CRIM1: variants seen among roughly 807,000 people sequenced by gnomAD.
The protein encoded by CRIM1 is cysteine-rich motor neuron 1 protein.
Under a neutral mutation model 116.4 loss-of-function variants are expected in CRIM1, and 32 were observed. That is an observed-to-expected ratio of 0.27 (90% CI 0.21 to 0.37). The LOEUF (loss-of-function observed/expected upper bound fraction) is 0.37, where lower values mean the gene tolerates loss of function less well. Ranked by LOEUF, CRIM1 falls within the 10% of genes least tolerant of loss-of-function variation. The probability of loss-of-function intolerance (pLI) is 1.00; values close to 1 mark genes in which losing one functional copy is unlikely to be tolerated. For synonymous variants in CRIM1, 590 were observed against 509.2 expected (o/e 1.16, Z -2.13); for missense variants, 1,331 against 1,354.8 (o/e 0.98, Z 0.28).
intron 4 of CRIM1, among the ~76,000 whole-genome samples, chr2:36,459,223 G>T (rs1029724018): frequency 6.6e-6 from 1 of 152,174 alleles, no homozygotes; most frequent in Non-Finnish European, 1.5e-5. Context: ...TATATGGGCA[G>T]ATTCTGGAGC....
chr2:36,393,833 T>C (rs1671811793), intron 1 of CRIM1, among the ~76,000 whole-genome samples: 1 of 152,160 alleles, frequency 6.6e-6, no homozygotes, highest in African/African-American at 2.4e-5. Context: ...AGCATTAGGA[T>C]GTGAGAGCGA....
Position 36,356,541 on chromosome 2 carries a change from C to T in CRIM1, c.249C>T (p.Thr83=). 1 of 1,612,930 alleles carries T rather than the reference C, an allele frequency of 6.2e-7. No individual in the cohort carries two copies. Among genetic ancestry groups the T allele is most frequent in the Non-Finnish European group, 8.5e-7 (1 of 1,179,872 alleles). The change falls in exon 1 of 17, where the codon ACC becomes ACT. Residue 83 remains threonine (T), a synonymous_variant. Transcript: ENST00000280527. This position sits in a 1 kb window ranked among gnomAD's most constrained non-coding sequence, Gnocchi z 4.3. The part of the protein sequence containing the change: ...SCGGTFGIYG[T]CDRGLRCVIR... ...GCGGCACCTTCGGGATTTACGGAACCTGCGACCGGGGGCTGCGTTGTGTCA... is the reference window on the plus strand; with the variant it reads ...GCGGCACCTTCGGGATTTACGGAACTTGCGACCGGGGGCTGCGTTGTGTCA...
chr2:36,455,786 A>C (rs1275993343), intron 4 of CRIM1, among the ~76,000 whole-genome samples: 2 of 152,188 alleles, frequency 1.3e-5, no homozygotes, highest in Admixed American at 1.3e-4. Context: ...CGAGTGGTGC[A>C]TTGTGTGATA....
At chr2:36,458,839 T>C (rs1030631392) in intron 4 of CRIM1, among the ~76,000 whole-genome samples, 1 of 152,206 alleles carries the variant, frequency 6.6e-6, no homozygotes, top group African/African-American at 2.4e-5. Context: ...TCCACCTGTC[T>C]CACTTTATGG....
At chr2:36,463,347 TAAATA>T (rs1023767470) in intron 4 of CRIM1, among the ~76,000 whole-genome samples, 4 of 152,172 alleles carry the variant, frequency 2.6e-5, no homozygotes, top group African/African-American at 9.7e-5. Flanking sequence ...ACCAATTACT[TAAATA>T]AGAAGGGGGG....
chr2:36,414,794 G>C lies in CRIM1; in HGVS notation c.505+18007G>C, dbSNP rs1673479723. ...GCTGTAGTGTATTGAGTGAGTGTTG[G>C]GGAGAGTGGCAGAAGAGGAAGCTGG... On this transcript the variant is annotated intron_variant, in intron 2 of 16. Coordinates refer to ENST00000280527, the MANE Select transcript of CRIM1 (RefSeq NM_016441.3). 2.0e-5 allele frequency among the ~76,000 whole-genome samples: 3 copies of C among 152,200 alleles called. 1 individual carries two copies. Among genetic ancestry groups the C allele is most frequent in the Admixed American group, 2.0e-4 (3 of 15,282 alleles).
At position 36,544,300 on chromosome 2, in the gene CRIM1, C is replaced by T. The variant is rs950371600; in HGVS notation, c.2624-76C>T. 4.0e-6 allele frequency: 5 copies of T among 1,249,096 alleles called. No homozygotes were observed. The African/African-American group carries it at 7.7e-5, about 19-fold the overall frequency. The allele number at this position is 1,249,096 out of a possible 1,614,324, so 77.4% of individuals were successfully genotyped here. A position where few individuals can be genotyped will look rare whatever the true frequency, so the allele number is the denominator to read the frequency against. On this transcript the variant is annotated intron_variant, in intron 14 of 16. Transcript: ENST00000280527. ...AAATGTGGTCTTGAATTGAGTGCAC[C>T]ATTTGGATTGAGAATACAAAAGCCA...
At chr2:36,444,415 A>C (rs1007406745) in intron 4 of CRIM1, among the ~76,000 whole-genome samples, 16 of 152,246 alleles carry the variant, frequency 1.1e-4, no homozygotes, top group Non-Finnish European at 2.2e-4. Context: ...CTGGATGGCC[A>C]CCTGCCCGGA....
chr2:36,390,590 T>C lies in CRIM1; in HGVS notation c.332-6024T>C, dbSNP rs113326496. Among the ~76,000 whole-genome samples the C allele has an allele frequency of 6.1e-3, 930 of 152,166 alleles. 11 individuals are homozygous for C. Among genetic ancestry groups the C allele is most frequent in the African/African-American group, 0.022 (894 of 41,532 alleles). ...TTTATGGGGGTTTTTTGTTTGTTTGTTTGTTTTGTTTTGTTTTTAGTACAG... is the reference window on the plus strand; with the variant it reads ...TTTATGGGGGTTTTTTGTTTGTTTGCTTGTTTTGTTTTGTTTTTAGTACAG... On this transcript the variant is annotated intron_variant, in intron 1 of 16. Transcript: ENST00000280527.
intron 9 of CRIM1, among the ~76,000 whole-genome samples, 179 bp downstream of exon 9, chr2:36,510,318 AG>A (rs1325913153): frequency 3.3e-5 from 5 of 152,182 alleles, no homozygotes; most frequent in African/African-American, 1.2e-4. Context: ...CCAAAAAAAA[AG>A]AATCAAGTTT....
chr2:36,366,595 C>T (rs1160242123), intron 1 of CRIM1, among the ~76,000 whole-genome samples: 4 of 151,836 alleles, frequency 2.6e-5, no homozygotes, highest in African/African-American at 9.7e-5. Context: ...GGAAACTATG[C>T]CTGTCTTATT....
At chr2:36,382,360 C>G (rs1265691598) in intron 1 of CRIM1, among the ~76,000 whole-genome samples, 3 of 152,226 alleles carry the variant, frequency 2.0e-5, no homozygotes, top group Non-Finnish European at 4.4e-5. Flanking sequence ...GCTGCCATAC[C>G]TGAAGGGCTT....
At chr2:36,467,856 A>G (rs1454126696) in intron 5 of CRIM1, among the ~76,000 whole-genome samples, 3 of 152,226 alleles carry the variant, frequency 2.0e-5, no homozygotes, top group Non-Finnish European at 4.4e-5. Flanking sequence ...GGATGGGACA[A>G]CTGTCTCTCT....
intron 7 of CRIM1, among the ~76,000 whole-genome samples, chr2:36,487,574 G>T (rs200741657): frequency 8.4e-6 from 1 of 119,758 alleles, no homozygotes; most frequent in African/African-American, 3.1e-5. Flanking sequence ...AAAAAAAAAA[G>T]GTGGCCGATC....
intron 1 of CRIM1, among the ~76,000 whole-genome samples, chr2:36,367,501 T>G (rs1460012437): frequency 6.6e-6 from 1 of 152,214 alleles, no homozygotes; most frequent in African/African-American, 2.4e-5. Context: ...CCTTAATTTG[T>G]CAAAAGGGAA....
At chr2:36,456,610 G>A (rs1296703054) in intron 4 of CRIM1, among the ~76,000 whole-genome samples, 2 of 152,170 alleles carry the variant, frequency 1.3e-5, no homozygotes, top group Non-Finnish European at 2.9e-5. Context: ...CGGAAGTGAA[G>A]GCAGGGAGCC....
rs934550810 is a variant in CRIM1 at position 36,416,424 on chromosome 2, G to A, written c.505+19637G>A. Among the ~76,000 whole-genome samples, 8 of 152,186 alleles carry A rather than the reference G, an allele frequency of 5.3e-5. No individual in the cohort carries two copies. The South Asian group carries it at 1.2e-3, about 24-fold the overall frequency. On this transcript the variant is annotated intron_variant, in intron 2 of 16. Coordinates refer to ENST00000280527, the MANE Select transcript of CRIM1 (RefSeq NM_016441.3). ...ATGTGAAGTTAAGACTAGAATGACC[G>A]GTTCCTTGATTGAAAACAATCAATA... is the stretch of plus-strand genomic sequence containing the variant.
chr2:36,538,076 C>G (rs1666680470), intron 14 of CRIM1, among the ~76,000 whole-genome samples: 1 of 152,190 alleles, frequency 6.6e-6, no homozygotes, highest in Non-Finnish European at 1.5e-5. Context: ...CCATCTCTTT[C>G]CACACTTAAC....
chr2:36,471,899 T>G (rs543117680), intron 5 of CRIM1, among the ~76,000 whole-genome samples: 2 of 152,306 alleles, frequency 1.3e-5, no homozygotes, highest in Admixed American at 6.5e-5. Context: ...CCAAAAAGTT[T>G]GTGTGACTTG....
Sources: gnomAD v4.1 joint callset for allele counts (sites outside exome capture counted in the v4.1 genomes callset) on GRCh38, gnomAD v4.1.1 for gene constraint, Gnocchi (gnomAD v3.1) non-coding constraint, MANE v1.5 for transcripts, NCBI Gene and HGNC (gene_info 2026-07-23, HGNC 2026-07-21) for gene names.